Variants in CBFA2T3 observed in about 807,000 individuals in gnomAD.
CBFA2T3 encodes CBFA2/RUNX1 partner transcriptional co-repressor 3.
CBFA2T3 carries 31 observed loss-of-function variants against 58.6 expected under a neutral mutation model. That is an observed-to-expected ratio of 0.53 (90% CI 0.40 to 0.71). The LOEUF (loss-of-function observed/expected upper bound fraction) is 0.71. CBFA2T3 is among the 30% of genes least tolerant of loss of function. The probability of loss-of-function intolerance (pLI) is 0.00; values close to 1 mark genes in which losing one functional copy is unlikely to be tolerated. For missense variants in CBFA2T3, 1,076 were observed against 963.1 expected (o/e 1.12, Z -1.55); for synonymous variants, 531 against 421.9 (o/e 1.26, Z -3.17).
chr16:88,913,574 C>G (rs1039596184), intron 1 of CBFA2T3, among the ~76,000 whole-genome samples: 1 of 152,204 alleles, frequency 6.6e-6, no homozygotes, highest in Non-Finnish European at 1.5e-5. Context: ...CATCTTGTCT[C>G]TAGCCGAACC....
intron 1 of CBFA2T3, among the ~76,000 whole-genome samples, chr16:88,909,221 G>C (rs547980388): frequency 2.1e-4 from 32 of 152,204 alleles, no homozygotes; most frequent in Non-Finnish European, 4.0e-4. Context: ...GTGCAGGCAG[G>C]GCTCGGAGAT....
intron 1 of CBFA2T3, among the ~76,000 whole-genome samples, chr16:88,945,213 C>T (rs1241343530): frequency 3.3e-5 from 5 of 152,268 alleles, no homozygotes; most frequent in East Asian, 3.9e-4. Context: ...TGAATAAACT[C>T]GTCTTAAACA....
chr16:88,911,882 C>G (rs893972171), intron 1 of CBFA2T3, among the ~76,000 whole-genome samples: 1 of 151,150 alleles, frequency 6.6e-6, no homozygotes, highest in Admixed American at 6.6e-5. Context: ...GAAGACCCCC[C>G]CTCCTGCCTC....
At chr16:88,931,477 G>A (rs73256221) in intron 1 of CBFA2T3, among the ~76,000 whole-genome samples, 4,657 of 151,946 alleles carry the variant, frequency 0.031, 247 homozygotes, top group African/African-American at 0.11. Context: ...AGGTCTCCTC[G>A]GCAGAAGCCC....
chr16:88,972,719 CTCT>C (rs1390966962), intron 1 of CBFA2T3, among the ~76,000 whole-genome samples: 1 of 152,202 alleles, frequency 6.6e-6, no homozygotes, highest in African/African-American at 2.4e-5. Context: ...GAACCTCAGT[CTCT>C]TCTTCTGTGA....
At position 88,899,786 on chromosome 16, in the gene CBFA2T3, T is replaced by C. The variant is rs567497401; in HGVS notation, c.305-1634A>G. Among the ~76,000 whole-genome samples the C allele has an allele frequency of 2.6e-5, 4 of 152,314 alleles. No homozygotes were observed. In the East Asian group the frequency reaches 7.7e-4, roughly 29 times the overall value. ...GAGGTTGTCTGTGGAGCGGGTGTTT[T>C]AGGCACTGCGCCCATGGCCGGGTCT... On this transcript the variant is annotated intron_variant, in intron 2 of 11. Coordinates refer to ENST00000268679, the MANE Select transcript of CBFA2T3 (RefSeq NM_005187.6).
At chr16:88,964,062 TC>T (rs1322998254) in intron 1 of CBFA2T3, among the ~76,000 whole-genome samples, 1 of 151,918 alleles carries the variant, frequency 6.6e-6, no homozygotes, top group Non-Finnish European at 1.5e-5. Context: ...TCTATGGGGG[TC>T]TTTAAAGGGC....
chr16:88,880,214 G>A (rs2072334548), intron 10 of CBFA2T3, among the ~76,000 whole-genome samples: 2 of 151,908 alleles, frequency 1.3e-5, no homozygotes, highest in Admixed American at 1.3e-4. Flanking sequence ...GGAGACCCCG[G>A]TACCGCTGCC....
rs760740100 is a variant in CBFA2T3, at chr16:88,958,039, A to T, written c.151+18618T>A. ...TGCTGGAAAACCACAGTAGACCCGG[A>T]ACGAAAGTACCTGTGAGCTGCTCAC... is the stretch of plus-strand genomic sequence containing the variant. On this transcript the variant is annotated intron_variant, in intron 1 of 11. Coordinates refer to ENST00000268679, the MANE Select transcript of CBFA2T3 (RefSeq NM_005187.6). The surrounding 1 kb of genome is among the most constrained non-coding windows in gnomAD (Gnocchi z 4.0). 6.6e-6 allele frequency among the ~76,000 whole-genome samples: 1 copy of T among 152,220 alleles called. No individual in the cohort carries two copies. Among genetic ancestry groups the T allele is most frequent in the Non-Finnish European group, 1.5e-5 (1 of 68,036 alleles).
chr16:88,890,515 C>A (rs540627704), intron 5 of CBFA2T3, among the ~76,000 whole-genome samples: 2 of 152,218 alleles, frequency 1.3e-5, no homozygotes, highest in African/African-American at 4.8e-5. Flanking sequence ...CTGACCCCAA[C>A]ACGTGCTCGG....
chr16:88,899,745 CCT>C (rs1303129828), intron 2 of CBFA2T3, among the ~76,000 whole-genome samples: 2 of 152,242 alleles, frequency 1.3e-5, no homozygotes, highest in Non-Finnish European at 2.9e-5. Context: ...GGTGTTTGTC[CCT>C]GACAGTGGGG....
intron 1 of CBFA2T3, among the ~76,000 whole-genome samples, chr16:88,920,678 G>T (rs1458252536): frequency 6.6e-6 from 1 of 152,190 alleles, no homozygotes; most frequent in African/African-American, 2.4e-5. Context: ...AATGCCAAAG[G>T]CACCAAAAGT....
intron 1 of CBFA2T3, among the ~76,000 whole-genome samples, chr16:88,930,311 C>A (rs897262548): frequency 2.0e-5 from 3 of 150,802 alleles, no homozygotes; most frequent in African/African-American, 5.0e-5. Context: ...GCTGCATGGT[C>A]CACGCAAAAG....
intron 1 of CBFA2T3, among the ~76,000 whole-genome samples, chr16:88,920,818 C>A (rs1970888631): frequency 6.6e-6 from 1 of 152,200 alleles, no homozygotes; most frequent in Non-Finnish European, 1.5e-5. Context: ...GCTGGGTGGT[C>A]TTCCTCCAGC....
At chr16:88,968,802 C>T (rs1463707850) in intron 1 of CBFA2T3, among the ~76,000 whole-genome samples, 1 of 152,204 alleles carries the variant, frequency 6.6e-6, no homozygotes, top group Non-Finnish European at 1.5e-5. Flanking sequence ...CACCCTGCGC[C>T]TGGCACGGAG....
chr16:88,913,108 T>C (rs1239139860), intron 1 of CBFA2T3, among the ~76,000 whole-genome samples: 1 of 152,248 alleles, frequency 6.6e-6, no homozygotes, highest in Non-Finnish European at 1.5e-5. Context: ...GGATCTGGGC[T>C]GGCCGGGGGA....
At chr16:88,903,815 C>G (rs180759242) in intron 1 of CBFA2T3, among the ~76,000 whole-genome samples, 3,021 of 152,172 alleles carry the variant, frequency 0.02, 50 homozygotes, top group African/African-American at 0.045. Context: ...GCCAGGCTGG[C>G]TCGGGGGACA....
chr16:88,896,485 G>T (rs1039932478), intron 3 of CBFA2T3, among the ~76,000 whole-genome samples: 3 of 152,150 alleles, frequency 2.0e-5, no homozygotes, highest in Admixed American at 2.0e-4. Flanking sequence ...AGGATGCACC[G>T]AGCCCCTGGT....
chr16:88,932,676 G>A (rs1464418204), intron 1 of CBFA2T3, among the ~76,000 whole-genome samples: 4 of 148,366 alleles, frequency 2.7e-5, no homozygotes, highest in Admixed American at 6.7e-5. Flanking sequence ...GGCAGGGCGC[G>A]GTGGTTCACG....
Sources: allele counts gnomAD v4.1 joint callset (sites outside exome capture counted in the v4.1 genomes callset), GRCh38; gene constraint gnomAD v4.1.1; non-coding constraint Gnocchi (gnomAD v3.1); transcripts MANE v1.5; gene names NCBI Gene and HGNC (gene_info 2026-07-23, HGNC 2026-07-21).